CERS6: variants seen among roughly 807,000 people sequenced by gnomAD.
CERS6 encodes the protein ceramide synthase 6.
A neutral mutation model predicts 56.8 loss-of-function variants in CERS6; 26 were observed. The observed-to-expected ratio is 0.46, with a 90% CI of 0.34 to 0.63. CERS6 has a LOEUF of 0.63. Ranked by LOEUF, CERS6 falls within the 30% of genes least tolerant of loss-of-function variation. The probability of loss-of-function intolerance (pLI) is 0.01; values close to 1 mark genes in which losing one functional copy is unlikely to be tolerated. For synonymous variants in CERS6, 164 were observed against 173.3 expected (o/e 0.95, Z 0.42); for missense variants, 415 against 467.5 (o/e 0.89, Z 1.04).
intron 6 of CERS6, among the ~76,000 whole-genome samples, chr2:168,701,049 C>T (rs1686793064): frequency 6.6e-6 from 1 of 152,114 alleles, no homozygotes; most frequent in Non-Finnish European, 1.5e-5. Context: ...CATGGACTCT[C>T]TAGGGCTCCC....
intron 1 of CERS6, among the ~76,000 whole-genome samples, chr2:168,462,585 TC>T (rs1693797951): frequency 6.6e-6 from 1 of 152,216 alleles, no homozygotes; most frequent in Non-Finnish European, 1.5e-5. Context: ...CACTCCGTTG[TC>T]CAGGCTTGAG....
chr2:168,670,286 A>G (rs1471211441), intron 4 of CERS6, among the ~76,000 whole-genome samples: 1 of 152,278 alleles, frequency 6.6e-6, no homozygotes, highest in East Asian at 1.9e-4. Context: ...ATTTGTCTGC[A>G]TTTTTTCCCT....
At chr2:168,569,317 A>G (rs531610871) in intron 3 of CERS6, among the ~76,000 whole-genome samples, 51 of 152,218 alleles carry the variant, frequency 3.4e-4, no homozygotes, top group Non-Finnish European at 6.9e-4. Flanking sequence ...CAAGGCAGTC[A>G]CATTGGGAGG....
At chr2:168,718,097 G>A (rs1687272395) in intron 8 of CERS6, 119 bp downstream of exon 8, 7 of 655,686 alleles carry the variant, frequency 1.1e-5, no homozygotes, top group South Asian at 2.1e-5. Flanking sequence ...GGGGGGAGGG[G>A]AAATACCTCA....
chr2:168,769,183 A>G (rs1010185217), intron 9 of CERS6, among the ~76,000 whole-genome samples: 4 of 152,174 alleles, frequency 2.6e-5, no homozygotes, highest in African/African-American at 7.2e-5. Context: ...CCAAATTCCT[A>G]TGACGCCATT....
intron 3 of CERS6, among the ~76,000 whole-genome samples, chr2:168,629,221 GACTTCTGTAAA>G (rs1300050064): frequency 1.3e-5 from 2 of 152,168 alleles, no homozygotes; most frequent in African/African-American, 4.8e-5. Context: ...GAATTCCAAT[GACTTCTGTAAA>G]ACTTTTTTAT....
intron 1 of CERS6, among the ~76,000 whole-genome samples, chr2:168,535,297 C>T (rs960758790): frequency 3.3e-5 from 5 of 152,208 alleles, no homozygotes; most frequent in Admixed American, 6.5e-5. Context: ...ATTGAGAATC[C>T]GTGTGGCTCT....
chr2:168,750,183 A>G (rs935232747), intron 8 of CERS6, among the ~76,000 whole-genome samples: 13 of 152,180 alleles, frequency 8.5e-5, no homozygotes, highest in Admixed American at 3.3e-4. Context: ...TCTACCTTGC[A>G]TCCAGCCCTG....
At chr2:168,654,029 A>C (rs891664907) in intron 4 of CERS6, among the ~76,000 whole-genome samples, 3 of 152,210 alleles carry the variant, frequency 2.0e-5, no homozygotes, top group African/African-American at 7.2e-5. Flanking sequence ...GTTTTAGATT[A>C]CTAAGCACTT....
chr2:168,765,526 G>T, intron 8 of CERS6, 66 bp from the exon 9 acceptor site: 21 of 1,548,588 alleles, frequency 1.4e-5, no homozygotes, highest in Non-Finnish European at 1.8e-5. Flanking sequence ...TTAATGCAGT[G>T]ACTAGAGTTC....
chr2:168,728,731 C>T (rs755740293), intron 8 of CERS6, among the ~76,000 whole-genome samples: 40 of 151,970 alleles, frequency 2.6e-4, no homozygotes, highest in Middle Eastern at 3.4e-3. Flanking sequence ...GCCGGCCAGT[C>T]GCAGTGGCTC....
At chr2:168,641,722 A>G (rs1445525304) in intron 4 of CERS6, among the ~76,000 whole-genome samples, 5 of 152,180 alleles carry the variant, frequency 3.3e-5, no homozygotes, top group Non-Finnish European at 7.3e-5. Context: ...CATTATTACC[A>G]TACGGTATAA....
At chr2:168,728,232 A>G (rs181885566) in intron 8 of CERS6, among the ~76,000 whole-genome samples, 1 of 152,284 alleles carries the variant, frequency 6.6e-6, no homozygotes. Flanking sequence ...TCTCTTGCAG[A>G]AGAGACTTGC....
chr2:168,595,979 T>C (rs1224979521), intron 3 of CERS6, among the ~76,000 whole-genome samples: 1 of 151,284 alleles, frequency 6.6e-6, no homozygotes, highest in Admixed American at 6.6e-5. Context: ...CCAGGCGTGG[T>C]GGCTCACGCC....
chr2:168,553,665 G>A (rs1020566439), intron 2 of CERS6, among the ~76,000 whole-genome samples: 10 of 152,148 alleles, frequency 6.6e-5, no homozygotes, highest in Admixed American at 5.2e-4. Flanking sequence ...ATTATTCCAT[G>A]AGTCTTTCTT....
rs61031993 is a variant in CERS6, at chr2:168,559,733, T to TTTTATATA, written c.277-1459_277-1458insTTTATATA. Among the ~76,000 whole-genome samples the TTTTATATA allele has an allele frequency of 2.3e-3, 155 of 66,288 alleles. 15 individuals are homozygous for TTTTATATA. The highest frequency in any genetic ancestry group is 7.2e-3 in the African/African-American group (145 of 20,208). The allele number at this position is 66,288 out of a possible 152,430, so 43.5% of individuals were successfully genotyped here. ...TGCTTGAGCTGCTTTTAGAAAGGTA[T>TTTTATATA]CATATATATATATATATATATTTCA... On this transcript the variant is annotated intron_variant, in intron 2 of 9. Coordinates refer to ENST00000305747, the MANE Select transcript of CERS6 (RefSeq NM_203463.3).
chr2:168,605,143 C>T (rs78003486), intron 3 of CERS6, among the ~76,000 whole-genome samples: 378 of 152,300 alleles, frequency 2.5e-3, no homozygotes, highest in African/African-American at 8.7e-3. Context: ...GATGGCCAAA[C>T]TGATGAAGTC....
intron 3 of CERS6, among the ~76,000 whole-genome samples, chr2:168,614,670 A>G (rs1684272614): frequency 6.6e-6 from 1 of 152,090 alleles, no homozygotes; most frequent in South Asian, 2.1e-4. Context: ...ACATAACTCC[A>G]TTGGCCTGGG....
At chr2:168,505,382 C>CAAAAAAAAAAAAA (rs370477008) in intron 1 of CERS6, among the ~76,000 whole-genome samples, 4 of 96,358 alleles carry the variant, frequency 4.2e-5, no homozygotes, top group South Asian at 4.3e-4. Context: ...ACCCTGTTTC[C>CAAAAAAAAAAAAA]AAAAAAAAAA....
Sources: allele counts gnomAD v4.1 joint callset (sites outside exome capture counted in the v4.1 genomes callset), GRCh38; gene constraint gnomAD v4.1.1; transcripts MANE v1.5; gene names NCBI Gene and HGNC (gene_info 2026-07-23, HGNC 2026-07-21).